Variants in ADAMTS2 observed in about 807,000 individuals in gnomAD.
ADAMTS2 encodes the protein ADAM metallopeptidase with thrombospondin type 1 motif 2.
In ADAMTS2, 50 loss-of-function variants were observed where a neutral mutation model predicts 123.0. That is an observed-to-expected ratio of 0.41 (90% CI 0.32 to 0.51). The LOEUF (loss-of-function observed/expected upper bound fraction) is 0.51, where lower values mean the gene tolerates loss of function less well. ADAMTS2 is among the 20% of genes least tolerant of loss of function. The probability of loss-of-function intolerance (pLI) is 0.35; values close to 1 mark genes in which losing one functional copy is unlikely to be tolerated. For missense variants in ADAMTS2, 1,494 were observed against 1,705.2 expected, an observed-to-expected ratio of 0.88 and a Z score of 2.18; for synonymous variants, 678 against 695.4, an observed-to-expected ratio of 0.98 and a Z score of 0.39.
In ADAMTS2 at chr5:179,228,830, C is replaced by T. The variant is rs1015204409; in HGVS notation, c.689-21115G>A. 6.6e-5 allele frequency among the ~76,000 whole-genome samples: 10 copies of T among 152,344 alleles called. No individual in the cohort carries two copies. The highest frequency in any genetic ancestry group is 5.8e-4 in the East Asian group (3 of 5,186). Reference sequence around the variant, plus strand: ...TCCACAACTCTGGAGCTAGGAAGCCCGGTGCTCCTTCCCAGAGGAGGGAGC... The same window carrying T: ...TCCACAACTCTGGAGCTAGGAAGCCTGGTGCTCCTTCCCAGAGGAGGGAGC... On this transcript the variant is annotated intron_variant, in intron 3 of 21. Transcript: ENST00000251582. The surrounding 1 kb of genome is among the most constrained non-coding windows in gnomAD (Gnocchi z 5.2).
Position 179,158,974 on chromosome 5 carries a change from C to A in ADAMTS2, c.976-95G>T. On this transcript the variant is annotated intron_variant, in intron 5 of 21. Transcript: ENST00000251582. The surrounding 1 kb of genome is among the most constrained non-coding windows in gnomAD (Gnocchi z 5.0). Reference sequence around the variant, plus strand: ...CTGTAGTGTTGACAGACCCCATCCACTGGGAATCTGTTCCAGGTGGTACAA... The same window carrying A: ...CTGTAGTGTTGACAGACCCCATCCAATGGGAATCTGTTCCAGGTGGTACAA... The A allele has an allele frequency of 1.4e-6, 2 of 1,480,778 alleles. No homozygotes were observed. Among genetic ancestry groups the A allele is most frequent in the Non-Finnish European group, 1.8e-6 (2 of 1,090,854 alleles). 91.7% of individuals were successfully genotyped at this position (1,480,778 alleles called of 1,614,324 possible). A position where few individuals can be genotyped will look rare whatever the true frequency, so the allele number is the denominator to read the frequency against.
In ADAMTS2 at chr5:179,265,632, C is replaced by T. The variant is rs114707658; in HGVS notation, c.688+7279G>A. 8.7e-3 allele frequency among the ~76,000 whole-genome samples: 1,321 copies of T among 152,320 alleles called. 19 individuals carry two copies. Among genetic ancestry groups the T allele is most frequent in the African/African-American group, 0.031 (1,268 of 41,570 alleles). Reference sequence around the variant, plus strand: ...GGGAGCTGGCCCCTCCTGCTCTCCCCGGCTGACCCCAGGCAACTCCAGCCT... The same window carrying T: ...GGGAGCTGGCCCCTCCTGCTCTCCCTGGCTGACCCCAGGCAACTCCAGCCT... On this transcript the variant is annotated intron_variant, in intron 3 of 21. Transcript: ENST00000251582.
Position 179,272,250 on chromosome 5 carries a change from C to T in ADAMTS2, c.688+661G>A, listed in dbSNP as rs568547880. Reference sequence around the variant, plus strand: ...ATGGACTGTCACCATGGCCGCCTGGCAGCTCCTTTCACGTTTCTGGGCCCA... The same window carrying T: ...ATGGACTGTCACCATGGCCGCCTGGTAGCTCCTTTCACGTTTCTGGGCCCA... On this transcript the variant is annotated intron_variant, in intron 3 of 21. Transcript: ENST00000251582. The surrounding 1 kb of genome is among the most constrained non-coding windows in gnomAD (Gnocchi z 5.8). Among the ~76,000 whole-genome samples, 33 of 152,358 alleles carry T rather than the reference C, an allele frequency of 2.2e-4. 1 individual carries two copies. The South Asian group carries it at 6.0e-3, about 28-fold the overall frequency.
chr5:179,176,127 A>G (rs1763925162), intron 5 of ADAMTS2, among the ~76,000 whole-genome samples: 1 of 152,124 alleles, frequency 6.6e-6, no homozygotes, highest in South Asian at 2.1e-4. Context: ...TGTGCAGAAC[A>G]CTTTTAGGGA....
chr5:179,329,937 T>G (rs1757436454), intron 2 of ADAMTS2, among the ~76,000 whole-genome samples: 2 of 151,364 alleles, frequency 1.3e-5, no homozygotes, highest in Admixed American at 6.6e-5. Context: ...CCATCCTGGC[T>G]AACAAGGTGA....
chr5:179,151,354 A>C (rs1398005471), intron 10 of ADAMTS2, among the ~76,000 whole-genome samples: 1 of 152,176 alleles, frequency 6.6e-6, no homozygotes, highest in Non-Finnish European at 1.5e-5. Context: ...CCAGAGACTA[A>C]AATTAGGCAG....
At chr5:179,148,537 C>T (rs1581152909) in intron 10 of ADAMTS2, among the ~76,000 whole-genome samples, 1 of 152,182 alleles carries the variant, frequency 6.6e-6, no homozygotes, top group Non-Finnish European at 1.5e-5. Context: ...GCCTCACTCT[C>T]CCCACGGTGC....
rs192721368 is a variant in ADAMTS2 at position 179,214,955 on chromosome 5, C to G, written c.689-7240G>C. Reference sequence around the variant, plus strand: ...AAATTATTCTCCGCCAAATAATCTCCATCAAATAATTGTTAAAACCCAACA... The same window carrying G: ...AAATTATTCTCCGCCAAATAATCTCGATCAAATAATTGTTAAAACCCAACA... On this transcript the variant is annotated intron_variant, in intron 3 of 21. Transcript: ENST00000251582. Among the ~76,000 whole-genome samples the G allele has an allele frequency of 2.4e-3, 369 of 152,238 alleles. 1 individual carries two copies. The highest frequency in any genetic ancestry group is 8.3e-3 in the African/African-American group (344 of 41,530).
At chr5:179,231,481 C>G (rs777451109) in intron 3 of ADAMTS2, among the ~76,000 whole-genome samples, 1 of 152,238 alleles carries the variant, frequency 6.6e-6, no homozygotes, top group South Asian at 2.1e-4. Context: ...TCTACCGCCT[C>G]GATGTGCTGA....
intron 2 of ADAMTS2, among the ~76,000 whole-genome samples, chr5:179,301,181 G>T (rs1182940321): frequency 6.6e-6 from 1 of 151,996 alleles, no homozygotes; most frequent in Non-Finnish European, 1.5e-5. Flanking sequence ...GACAGCAGAG[G>T]GCATTGCTCA....
intron 3 of ADAMTS2, among the ~76,000 whole-genome samples, chr5:179,223,251 T>TAC (rs1386275778): frequency 6.6e-6 from 1 of 151,026 alleles, no homozygotes; most frequent in Non-Finnish European, 1.5e-5. Context: ...CGCAGTCACA[T>TAC]ACACACATGC....
rs1361030106 is a variant in ADAMTS2, at chr5:179,136,022, A to G, written c.1972T>C (p.Tyr658His). ...HRDAKERCHL[Y>H]CESRETGEVV... ...TCCCCGGTCTCCCTGGACTCGCAGT[A>G]CAGGTGGCATCTCTCCTTGGCTGGA... The change falls in exon 13 of 22, where the codon TAC becomes CAC. Residue 658 changes from tyrosine (Y) to histidine (H), a missense_variant. Physicochemically the swap from Tyr to His is moderately conservative, Grantham distance 83. Coordinates refer to ENST00000251582, the MANE Select transcript of ADAMTS2 (RefSeq NM_014244.5). 1 of 1,613,448 alleles carries G rather than the reference A, an allele frequency of 6.2e-7. No individual in the cohort carries two copies. Among genetic ancestry groups the G allele is most frequent in the South Asian group, 1.1e-5 (1 of 91,088 alleles).
intron 3 of ADAMTS2, among the ~76,000 whole-genome samples, chr5:179,252,851 A>G (rs565697741): frequency 2.0e-5 from 3 of 152,342 alleles, no homozygotes; most frequent in South Asian, 4.1e-4. Context: ...AAATGGTTGG[A>G]TTCTCTCAAA....
intron 4 of ADAMTS2, among the ~76,000 whole-genome samples, chr5:179,200,244 CT>C (rs1051856642): frequency 0.013 from 1,394 of 103,644 alleles, 6 homozygotes; most frequent in Middle Eastern, 0.032. Flanking sequence ...CCTTTCTTTC[CT>C]TTTTTTTTTT....
chr5:179,329,243 C>T (rs1253653653), intron 2 of ADAMTS2, among the ~76,000 whole-genome samples: 2 of 150,854 alleles, frequency 1.3e-5, no homozygotes, highest in Admixed American at 6.6e-5. Context: ...AGGAGAATGG[C>T]GTGAACCCAG....
intron 4 of ADAMTS2, among the ~76,000 whole-genome samples, chr5:179,191,277 T>C (rs778673902): frequency 3.9e-5 from 6 of 152,138 alleles, no homozygotes; most frequent in Non-Finnish European, 7.4e-5. Flanking sequence ...GCTGAGCTTG[T>C]CGGCTGTCCC....
rs541040407 is a variant in ADAMTS2 at position 179,311,798 on chromosome 5, T to G, written c.534+31969A>C. Reference sequence around the variant, plus strand: ...GCTATCACCCCCCACTCGCCCGTGCTGTATTCGGAGTTGAGCCCAGTCTCT... The same window carrying G: ...GCTATCACCCCCCACTCGCCCGTGCGGTATTCGGAGTTGAGCCCAGTCTCT... On this transcript the variant is annotated intron_variant, in intron 2 of 21. Coordinates refer to ENST00000251582, the MANE Select transcript of ADAMTS2 (RefSeq NM_014244.5). Among the ~76,000 whole-genome samples, 12 of 152,294 alleles carry G rather than the reference T, an allele frequency of 7.9e-5. No homozygotes were observed. In the South Asian group the frequency reaches 2.5e-3, roughly 32 times the overall value.
chr5:179,193,392 A>C (rs1419819271), intron 4 of ADAMTS2, among the ~76,000 whole-genome samples: 3 of 152,182 alleles, frequency 2.0e-5, no homozygotes, highest in Non-Finnish European at 4.4e-5. Context: ...TGTGCCAGTG[A>C]GGAAGCCGAG....
chr5:179,117,924 T>C lies in ADAMTS2; in HGVS notation c.3179-3600A>G, dbSNP rs530494526. On this transcript the variant is annotated intron_variant, in intron 21 of 21. Coordinates refer to ENST00000251582, the MANE Select transcript of ADAMTS2 (RefSeq NM_014244.5). This position sits in a 1 kb window ranked among gnomAD's most constrained non-coding sequence, Gnocchi z 4.2. ...ACCATGTGGGCTCCAATGCCCAAAA[T>C]ATTGACTACCTGGCCCTTTACAGAA... 4.6e-5 allele frequency among the ~76,000 whole-genome samples: 7 copies of C among 152,276 alleles called. No individual in the cohort carries two copies. The South Asian group carries it at 1.5e-3, about 32-fold the overall frequency.
Sources: gnomAD v4.1 joint callset for allele counts (sites outside exome capture counted in the v4.1 genomes callset) on GRCh38, gnomAD v4.1.1 for gene constraint, Gnocchi (gnomAD v3.1) non-coding constraint, MANE v1.5 for transcripts, NCBI Gene and HGNC (gene_info 2026-07-23, HGNC 2026-07-21) for gene names.